Variants in TENM3 observed in about 807,000 individuals in gnomAD.
The protein encoded by TENM3 is teneurin-3.
In TENM3, 63 loss-of-function variants were observed where a neutral mutation model predicts 255.1. That is an observed-to-expected ratio of 0.25 (90% CI 0.20 to 0.30). The LOEUF (loss-of-function observed/expected upper bound fraction) is 0.30. Among genes scored for constraint, TENM3 ranks in the 10% least tolerant of loss-of-function variants. The probability of loss-of-function intolerance (pLI) is 1.00; values close to 1 mark genes in which losing one functional copy is unlikely to be tolerated. For synonymous variants in TENM3, 1,306 were observed against 1,322.3 expected, an observed-to-expected ratio of 0.99 and a Z score of 0.27; for missense variants, 2,929 against 3,461.1, an observed-to-expected ratio of 0.85 and a Z score of 3.86.
chr4:182,269,571 A>C (rs1307116970), intron 1 of TENM3, among the ~76,000 whole-genome samples: 1 of 151,936 alleles, frequency 6.6e-6, no homozygotes, highest in African/African-American at 2.4e-5. Flanking sequence ...TAAAAATCGG[A>C]CAAACTCTGG....
the TENM3 span, among the ~76,000 whole-genome samples, chr4:181,558,452 G>T: frequency 6.6e-6 from 1 of 152,182 alleles, no homozygotes; most frequent in Non-Finnish European, 1.5e-5. Context: ...CGTGACATGG[G>T]TAATAAAGTA....
chr4:182,001,599 T>A, the TENM3 span, among the ~76,000 whole-genome samples: 1 of 152,120 alleles, frequency 6.6e-6, no homozygotes, highest in East Asian at 1.9e-4. Flanking sequence ...ATAGCTTCCA[T>A]CAACTACTAC....
chr4:182,294,498 G>A (rs1761342211), intron 1 of TENM3, among the ~76,000 whole-genome samples: 2 of 152,110 alleles, frequency 1.3e-5, no homozygotes, highest in Non-Finnish European at 2.9e-5. Context: ...TGGGGAAAAA[G>A]TTGACCAAAG....
chr4:181,768,686 A>G, the TENM3 span, among the ~76,000 whole-genome samples: 4 of 152,156 alleles, frequency 2.6e-5, no homozygotes, highest in Admixed American at 2.0e-4. Context: ...GAAGTTATTC[A>G]TAAGTATGCT....
chr4:181,815,953 A>G, the TENM3 span, among the ~76,000 whole-genome samples: 1 of 152,198 alleles, frequency 6.6e-6, no homozygotes, highest in African/African-American at 2.4e-5. Flanking sequence ...CAGAGATTAA[A>G]ATGTGTCTCA....
chr4:181,634,513 T>C, the TENM3 span, among the ~76,000 whole-genome samples: 57 of 152,114 alleles, frequency 3.7e-4, no homozygotes, highest in African/African-American at 1.3e-3. Flanking sequence ...TTATCAGTTT[T>C]CCTATGTATT....
At chr4:181,959,490 C>T in the TENM3 span, among the ~76,000 whole-genome samples, 56 of 152,188 alleles carry the variant, frequency 3.7e-4, no homozygotes, top group Middle Eastern at 3.4e-3. Context: ...GAAGAGAGAA[C>T]GGAATACAAT....
At position 182,787,980 on chromosome 4, in the gene TENM3, T is replaced by G. The variant is rs138760986; in HGVS notation, c.5305-1113T>G. Among the ~76,000 whole-genome samples the G allele has an allele frequency of 3.3e-5, 5 of 152,302 alleles. No individual in the cohort carries two copies. The East Asian group carries it at 9.6e-4, about 29-fold the overall frequency. ...GAATGATAGAATGCAAAAGGCAGTT[T>G]TATTCCAAATTTTACAAATATATAT... On this transcript the variant is annotated intron_variant, in intron 24 of 27. Transcript: ENST00000511685.
At chr4:181,536,644 C>A in the TENM3 span, among the ~76,000 whole-genome samples, 1 of 152,156 alleles carries the variant, frequency 6.6e-6, no homozygotes, top group Non-Finnish European at 1.5e-5. Context: ...TCTACCACGT[C>A]ATTAGTTCTT....
At chr4:181,532,764 A>T in the TENM3 span, among the ~76,000 whole-genome samples, 4 of 152,162 alleles carry the variant, frequency 2.6e-5, no homozygotes, top group African/African-American at 9.7e-5. Flanking sequence ...TACAAGAATG[A>T]CCATAAATGG....
At chr4:182,201,669 G>A (rs912444796) in intron 1 of TENM3, among the ~76,000 whole-genome samples, 1 of 152,076 alleles carries the variant, frequency 6.6e-6, no homozygotes, top group East Asian at 1.9e-4. Context: ...CCCATGGCAG[G>A]GTGGGGGGTC....
chr4:182,798,968 C>T (rs906980099), intron 27 of TENM3, among the ~76,000 whole-genome samples: 5 of 152,160 alleles, frequency 3.3e-5, no homozygotes, highest in Non-Finnish European at 2.9e-5. Context: ...GTCCACTGTC[C>T]CTAAGTCTGA....
intron 1 of TENM3, among the ~76,000 whole-genome samples, chr4:182,315,133 C>T (rs35636430): frequency 0.1 from 15,897 of 152,182 alleles, 1,080 homozygotes; most frequent in Middle Eastern, 0.16. Context: ...CTACAGTACA[C>T]GGCTACGATG....
At chr4:182,595,115 G>A (rs941580503) in intron 3 of TENM3, among the ~76,000 whole-genome samples, 25 of 152,208 alleles carry the variant, frequency 1.6e-4, no homozygotes, top group African/African-American at 6.0e-4. Context: ...GAGAGATTAA[G>A]TAATTTATGC....
the TENM3 span, among the ~76,000 whole-genome samples, chr4:182,046,346 T>G: frequency 6.6e-6 from 1 of 152,058 alleles, no homozygotes; most frequent in Non-Finnish European, 1.5e-5. Flanking sequence ...ACCTCCCTAC[T>G]ATTGATTTAT....
chr4:182,710,424 G>A (rs934042871), intron 12 of TENM3, among the ~76,000 whole-genome samples: 3 of 152,100 alleles, frequency 2.0e-5, no homozygotes, highest in African/African-American at 7.2e-5. Context: ...TAATTTCAGA[G>A]TAGCACCTAA....
chr4:182,728,909 C>G, intron 13 of TENM3, 56 bp from the exon 14 acceptor site: 3 of 1,367,900 alleles, frequency 2.2e-6, no homozygotes, highest in South Asian at 1.3e-5. Context: ...AAAACTGATT[C>G]TACATTATGG....
At chr4:182,646,472 C>T (rs188585560) in intron 5 of TENM3, among the ~76,000 whole-genome samples, 5 of 152,066 alleles carry the variant, frequency 3.3e-5, no homozygotes, top group Non-Finnish European at 5.9e-5. Context: ...CTGGGGATGG[C>T]GACTCACTCC....
chr4:182,442,165 A>G (rs1452297315), intron 3 of TENM3, among the ~76,000 whole-genome samples: 1 of 152,224 alleles, frequency 6.6e-6, no homozygotes, highest in South Asian at 2.1e-4. Flanking sequence ...ATGCATAAAT[A>G]TATGTGCATA....
Sources: gnomAD v4.1 joint callset for allele counts (sites outside exome capture counted in the v4.1 genomes callset) on GRCh38, gnomAD v4.1.1 for gene constraint, MANE v1.5 for transcripts, NCBI Gene and HGNC (gene_info 2026-07-23, HGNC 2026-07-21) for gene names.